KHDRBS2: variants seen among roughly 807,000 people sequenced by gnomAD.
The protein encoded by KHDRBS2 is KH domain-containing, RNA-binding, signal transduction-associated protein 2.
A neutral mutation model predicts 44.3 loss-of-function variants in KHDRBS2; 26 were observed. That is an observed-to-expected ratio of 0.59 (90% CI 0.43 to 0.81). KHDRBS2 has a LOEUF of 0.81. Ranked by LOEUF, KHDRBS2 falls within the 40% of genes least tolerant of loss-of-function variation. KHDRBS2 has a pLI of 0.00. For missense variants in KHDRBS2, 476 were observed against 433.1 expected (o/e 1.10, Z -0.88); for synonymous variants, 194 against 151.1 (o/e 1.28, Z -2.08).
intron 6 of KHDRBS2, among the ~76,000 whole-genome samples, chr6:61,749,636 C>T (rs1438573744): frequency 6.6e-6 from 1 of 152,118 alleles, no homozygotes; most frequent in Non-Finnish European, 1.5e-5. Context: ...ATGAGATGAA[C>T]TAGTAGCTTG....
intron 6 of KHDRBS2, among the ~76,000 whole-genome samples, chr6:61,741,149 T>C (rs1279472527): frequency 6.6e-6 from 1 of 151,916 alleles, no homozygotes; most frequent in African/African-American, 2.4e-5. Context: ...TTTTTGTTTT[T>C]TTGTTTTTGT....
chr6:62,141,227 AAG>A (rs1164547507), intron 2 of KHDRBS2, among the ~76,000 whole-genome samples: 7 of 152,216 alleles, frequency 4.6e-5, no homozygotes, highest in African/African-American at 1.4e-4. Context: ...TAAAATGAGA[AAG>A]AGAGAAGATA....
intron 1 of KHDRBS2, among the ~76,000 whole-genome samples, chr6:62,214,482 G>C (rs1332312279): frequency 5.4e-5 from 8 of 147,252 alleles, no homozygotes; most frequent in Non-Finnish European, 1.2e-4. Context: ...GTTTTTAATG[G>C]CTAAGACCTA....
chr6:61,814,078 T>C (rs1788532092), intron 6 of KHDRBS2: 1 of 455,792 alleles, frequency 2.2e-6, no homozygotes, highest in East Asian at 6.9e-5. Flanking sequence ...AAGCTGTGGC[T>C]GAAAATTTAT....
chr6:62,169,104 T>TAC (rs778150552), intron 2 of KHDRBS2, among the ~76,000 whole-genome samples: 8 of 120,036 alleles, frequency 6.7e-5, no homozygotes, highest in East Asian at 2.3e-4. Flanking sequence ...TATTTATATA[T>TAC]ACACATATAT....
At chr6:61,914,666 C>A (rs999462584) in intron 4 of KHDRBS2, among the ~76,000 whole-genome samples, 2 of 152,026 alleles carry the variant, frequency 1.3e-5, no homozygotes. Context: ...AATAATAATA[C>A]TTTTTAAAAA....
At chr6:61,655,502 G>C in the KHDRBS2 span, among the ~76,000 whole-genome samples, 1 of 151,968 alleles carries the variant, frequency 6.6e-6, no homozygotes. Flanking sequence ...TGATCCATCC[G>C]CCTTGGTCTC....
chr6:61,814,587 A>G (rs1372224080), intron 6 of KHDRBS2, among the ~76,000 whole-genome samples: 1 of 152,206 alleles, frequency 6.6e-6, no homozygotes, highest in Admixed American at 6.5e-5. Flanking sequence ...GCCTGGTGAC[A>G]GACTGAGACT....
At chr6:61,844,325 C>T (rs1244842483) in intron 6 of KHDRBS2, among the ~76,000 whole-genome samples, 3 of 152,150 alleles carry the variant, frequency 2.0e-5, no homozygotes, top group East Asian at 1.9e-4. Context: ...TTTCTCTCCT[C>T]AAAAACTTTC....
chr6:61,922,150 C>T (rs371455153), intron 4 of KHDRBS2, among the ~76,000 whole-genome samples: 48 of 152,034 alleles, frequency 3.2e-4, no homozygotes, highest in African/African-American at 1.1e-3. Flanking sequence ...TGCTTCCAGT[C>T]AAGATGGAGT....
At chr6:61,754,728 T>A (rs996214980) in intron 6 of KHDRBS2, among the ~76,000 whole-genome samples, 4 of 152,000 alleles carry the variant, frequency 2.6e-5, no homozygotes, top group African/African-American at 9.7e-5. Flanking sequence ...AATCAAGAGA[T>A]GGATGCAACA....
chr6:61,967,652 A>G (rs917349969), intron 4 of KHDRBS2, among the ~76,000 whole-genome samples: 7 of 151,842 alleles, frequency 4.6e-5, no homozygotes, highest in Non-Finnish European at 7.4e-5. Context: ...TCGGTTGGGA[A>G]GAGGCTGAAA....
At chr6:61,556,358 C>G in the KHDRBS2 span, among the ~76,000 whole-genome samples, 18 of 152,038 alleles carry the variant, frequency 1.2e-4, no homozygotes, top group Non-Finnish European at 2.2e-4. Context: ...TTTAATCACT[C>G]TGGATCTCAC....
At chr6:62,275,927 T>C (rs367647692) in intron 1 of KHDRBS2, among the ~76,000 whole-genome samples, 3 of 152,292 alleles carry the variant, frequency 2.0e-5, no homozygotes, top group Non-Finnish European at 1.5e-5. Context: ...AGCCACTGTA[T>C]ATGTTCAAAA....
At chr6:61,667,573 A>C in the KHDRBS2 span, among the ~76,000 whole-genome samples, 1 of 151,350 alleles carries the variant, frequency 6.6e-6, no homozygotes, top group Non-Finnish European at 1.5e-5. Flanking sequence ...CAATTTTTGC[A>C]TCAGAAAGGT....
At chr6:61,874,809 T>C (rs1302934272) in intron 6 of KHDRBS2, among the ~76,000 whole-genome samples, 1 of 152,104 alleles carries the variant, frequency 6.6e-6, no homozygotes. Flanking sequence ...TCAGAACTGA[T>C]GCCATGATGT....
At chr6:62,075,042 C>T (rs1796061878) in intron 2 of KHDRBS2, among the ~76,000 whole-genome samples, 1 of 151,876 alleles carries the variant, frequency 6.6e-6, no homozygotes, top group Non-Finnish European at 1.5e-5. Flanking sequence ...TACAGAGATA[C>T]TGAGACAAAG....
In KHDRBS2 at chr6:61,985,616, T is replaced by C. The variant is rs115771195; in HGVS notation, c.337-7404A>G. Among the ~76,000 whole-genome samples the C allele has an allele frequency of 2.9e-3, 442 of 152,294 alleles. 1 individual carries two copies. Among genetic ancestry groups the C allele is most frequent in the Non-Finnish European group, 3.6e-3 (247 of 68,024 alleles). On this transcript the variant is annotated intron_variant, in intron 3 of 8. Coordinates refer to ENST00000281156, the MANE Select transcript of KHDRBS2 (RefSeq NM_152688.4). Reference sequence around the variant, plus strand: ...GGATCAAAATGATGATCCTTTCCTATGCATTCAATGACATCAGCTCAAGTT... The same window carrying C: ...GGATCAAAATGATGATCCTTTCCTACGCATTCAATGACATCAGCTCAAGTT...
chr6:61,695,019 C>A (rs1438475599), intron 8 of KHDRBS2, among the ~76,000 whole-genome samples: 5 of 151,556 alleles, frequency 3.3e-5, no homozygotes, highest in African/African-American at 1.2e-4. Context: ...TACTTTTTTT[C>A]CTGAAAAATA....
Sources: gnomAD v4.1 joint callset for allele counts (sites outside exome capture counted in the v4.1 genomes callset) on GRCh38, gnomAD v4.1.1 for gene constraint, MANE v1.5 for transcripts, NCBI Gene and HGNC (gene_info 2026-07-23, HGNC 2026-07-21) for gene names.